LRMDA: variants seen among roughly 807,000 people sequenced by gnomAD.
LRMDA encodes the protein leucine-rich melanocyte differentiation-associated protein.
In LRMDA, 18 loss-of-function variants were observed where a neutral mutation model predicts 29.8. That is an observed-to-expected ratio of 0.60 (90% CI 0.42 to 0.90). LRMDA has a LOEUF of 0.90. Among genes scored for constraint, LRMDA ranks in the 40% least tolerant of loss-of-function variants. LRMDA has a pLI of 0.00. For missense variants in LRMDA, 273 were observed against 273.9 expected (o/e 1.00, Z 0.02); for synonymous variants, 125 against 109.4 (o/e 1.14, Z -0.89).
intron 2 of LRMDA, among the ~76,000 whole-genome samples, chr10:75,727,732 T>C (rs1392611892): frequency 1.3e-5 from 2 of 152,244 alleles, no homozygotes; most frequent in African/African-American, 4.8e-5. Flanking sequence ...TTTCTATTTA[T>C]ATTTTGTGCA....
chr10:76,436,248 G>T (rs1842243634), intron 6 of LRMDA, among the ~76,000 whole-genome samples: 1 of 152,172 alleles, frequency 6.6e-6, no homozygotes, highest in African/African-American at 2.4e-5. Context: ...GACAAATGTG[G>T]AGTATATTAA....
At chr10:75,932,088 C>A (rs954735787) in intron 2 of LRMDA, among the ~76,000 whole-genome samples, 3 of 152,146 alleles carry the variant, frequency 2.0e-5, no homozygotes, top group Non-Finnish European at 4.4e-5. Flanking sequence ...ATATCAATAA[C>A]AAGTTTTTTG....
In LRMDA at chr10:76,105,805, G is replaced by A. The variant is rs183686320; in HGVS notation, c.516+47022G>A. ...TCTGTTGCCCAGGCTGGAGTGCAGC[G>A]GCATGATCTTGGCTCACTGCAACCT... is the stretch of plus-strand genomic sequence containing the variant. On this transcript the variant is annotated intron_variant, in intron 5 of 6. Transcript: ENST00000611255. Among the ~76,000 whole-genome samples the A allele has an allele frequency of 3.5e-4, 54 of 152,232 alleles. No individual in the cohort carries two copies. The East Asian group carries it at 0.01, about 28-fold the overall frequency.
chr10:75,911,590 A>G (rs1466247704), intron 2 of LRMDA, among the ~76,000 whole-genome samples: 2 of 152,226 alleles, frequency 1.3e-5, no homozygotes, highest in Non-Finnish European at 1.5e-5. Context: ...GGCGTTTATG[A>G]AAGAGTGAAC....
intron 2 of LRMDA, among the ~76,000 whole-genome samples, chr10:75,726,097 G>A (rs1842628155): frequency 6.6e-6 from 1 of 152,208 alleles, no homozygotes; most frequent in Non-Finnish European, 1.5e-5. Context: ...ACATGCTTCA[G>A]AGGGGAGTTA....
At chr10:76,026,743 T>G (rs2132497092) in intron 2 of LRMDA, among the ~76,000 whole-genome samples, 1 of 152,272 alleles carries the variant, frequency 6.6e-6, no homozygotes, top group East Asian at 1.9e-4. Context: ...CAGAACTGAC[T>G]TAACAGCCCT....
At chr10:76,203,930 CTAT>C (rs1337943184) in intron 5 of LRMDA, among the ~76,000 whole-genome samples, 3 of 149,464 alleles carry the variant, frequency 2.0e-5, no homozygotes, top group Middle Eastern at 3.6e-3. Flanking sequence ...CCACCCATCC[CTAT>C]TCCATGTGCC....
At chr10:75,723,314 T>C (rs1174285026) in intron 2 of LRMDA, among the ~76,000 whole-genome samples, 2 of 152,170 alleles carry the variant, frequency 1.3e-5, no homozygotes, top group African/African-American at 4.8e-5. Context: ...GCTGAGCCCA[T>C]TTTCCATGGC....
chr10:76,083,826 T>A (rs1849087990), intron 5 of LRMDA, among the ~76,000 whole-genome samples: 1 of 130,016 alleles, frequency 7.7e-6, no homozygotes, highest in South Asian at 2.5e-4. Context: ...AGAGCTAGAC[T>A]GCATCTCAAA....
chr10:75,835,034 CTATTTA>C (rs1844409570), intron 2 of LRMDA, among the ~76,000 whole-genome samples: 1 of 152,220 alleles, frequency 6.6e-6, no homozygotes, highest in South Asian at 2.1e-4. Flanking sequence ...CAGCAGCACT[CTATTTA>C]TAAGTGTAAA....
chr10:76,326,151 G>A (rs1048520817), intron 6 of LRMDA, among the ~76,000 whole-genome samples: 2 of 152,266 alleles, frequency 1.3e-5, no homozygotes, highest in Middle Eastern at 6.8e-3. Context: ...ATAAAATGAC[G>A]TTCTTTGGGC....
intron 6 of LRMDA, among the ~76,000 whole-genome samples, chr10:76,328,964 C>A (rs1840870482): frequency 6.6e-6 from 1 of 152,190 alleles, no homozygotes; most frequent in African/African-American, 2.4e-5. Context: ...ACCAGTGATT[C>A]TCAGGAGCTT....
chr10:76,432,189 GA>G (rs938311036), intron 6 of LRMDA, among the ~76,000 whole-genome samples: 2 of 152,162 alleles, frequency 1.3e-5, no homozygotes, highest in Non-Finnish European at 2.9e-5. Flanking sequence ...GTATAAAAGT[GA>G]AAGCTGAACT....
intron 2 of LRMDA, among the ~76,000 whole-genome samples, chr10:75,818,027 T>C (rs576223186): frequency 1.8e-4 from 28 of 152,326 alleles, no homozygotes; most frequent in Middle Eastern, 3.4e-3. Flanking sequence ...GCATGATGGT[T>C]CCATGAATTG....
intron 1 of LRMDA, 33 bp downstream of exon 1, chr10:75,431,787 G>A (rs1051792942): frequency 2.2e-6 from 3 of 1,340,330 alleles, no homozygotes; most frequent in South Asian, 4.0e-5. Context: ...TCCGCCCGGG[G>A]CGCAGTCCGC....
intron 6 of LRMDA, among the ~76,000 whole-genome samples, chr10:76,463,875 A>G (rs559611170): frequency 6.6e-6 from 1 of 151,128 alleles, no homozygotes; most frequent in African/African-American, 2.4e-5. Context: ...GATCTTCAAA[A>G]CTAGTCAGTC....
Position 76,557,172 on chromosome 10 carries a change from G to A in LRMDA, c.602-37G>A, listed in dbSNP as rs772528494. The A allele has an allele frequency of 3.9e-6, 6 of 1,532,840 alleles. No individual in the cohort carries two copies. In the East Asian group the frequency reaches 1.3e-4, roughly 34 times the overall value. The allele number at this position is 1,532,840 out of a possible 1,614,324, so 95.0% of individuals were successfully genotyped here. A position where few individuals can be genotyped will look rare whatever the true frequency, so the allele number is the denominator to read the frequency against. ...CCTGTGTTTCCCTGCTATGCTAAGTGTGCCACCTGTAATGATGTGTGTCTT... is the reference window on the plus strand; with the variant it reads ...CCTGTGTTTCCCTGCTATGCTAAGTATGCCACCTGTAATGATGTGTGTCTT... On this transcript the variant is annotated intron_variant, in intron 6 of 6. Coordinates refer to ENST00000611255, the MANE Select transcript of LRMDA (RefSeq NM_001305581.2).
chr10:75,547,358 T>C (rs565413631), intron 2 of LRMDA, among the ~76,000 whole-genome samples: 1 of 152,342 alleles, frequency 6.6e-6, no homozygotes, highest in African/African-American at 2.4e-5. Flanking sequence ...TGGTTTTCTT[T>C]GCTCATCTCT....
At chr10:76,415,390 T>C (rs1842003907) in intron 6 of LRMDA, among the ~76,000 whole-genome samples, 1 of 152,206 alleles carries the variant, frequency 6.6e-6, no homozygotes, top group Non-Finnish European at 1.5e-5. Context: ...GTCATTTTTT[T>C]TTGAGAAGTA....
Sources: allele counts gnomAD v4.1 joint callset (sites outside exome capture counted in the v4.1 genomes callset), GRCh38; gene constraint gnomAD v4.1.1; transcripts MANE v1.5; gene names NCBI Gene and HGNC (gene_info 2026-07-23, HGNC 2026-07-21).